The following TMEM267 variants were observed in gnomAD, a reference collection of about 807,000 sequenced individuals.
The protein encoded by TMEM267 is transmembrane protein C5orf28.
In TMEM267, 20 loss-of-function variants were observed where a neutral mutation model predicts 19.3. That is an observed-to-expected ratio of 1.04 (90% CI 0.73 to 1.51). The LOEUF is 1.51. Among genes scored for constraint, TMEM267 ranks in the 40% most tolerant of loss-of-function variants. The pLI is 0.00. For synonymous variants in TMEM267, 88 were observed against 90.3 expected (o/e 0.97, Z 0.15); for missense variants, 242 against 261.9 (o/e 0.92, Z 0.52).
chr5:43,451,274 A>G (rs759323277), intron 2 of TMEM267, among the ~76,000 whole-genome samples: 13 of 152,214 alleles, frequency 8.5e-5, no homozygotes, highest in Non-Finnish European at 1.9e-4. Flanking sequence ...TAATTAAACT[A>G]AAGAGCTTCT....
rs1742182023 is a variant in TMEM267 at position 43,445,290 on chromosome 5, T to G, written c.*932A>C. 6.6e-6 allele frequency: 1 copy of G among 152,138 alleles called. No homozygotes were observed. Among genetic ancestry groups the G allele is most frequent in the Non-Finnish European group, 1.5e-5 (1 of 68,008 alleles). The allele number at this position is 152,138 out of a possible 1,614,324, so 9.4% of individuals were successfully genotyped here. A position where few individuals can be genotyped will look rare whatever the true frequency, so the allele number is the denominator to read the frequency against. ...TTTCAGTATCAGGCAGAGTAAAATA[T>G]TTTAGAATAGTATATAAAATAGTAT... On this transcript the variant is annotated 3_prime_UTR_variant, in exon 3 of 3. Transcript: ENST00000397080.
chr5:43,472,227 A>G (rs1232636357), intron 1 of TMEM267, among the ~76,000 whole-genome samples: 1 of 152,230 alleles, frequency 6.6e-6, no homozygotes, highest in African/African-American at 2.4e-5. Flanking sequence ...AATGCAAATC[A>G]AAACTATAAT....
chr5:43,455,674 A>G (rs950786123), intron 1 of TMEM267, among the ~76,000 whole-genome samples: 1 of 151,996 alleles, frequency 6.6e-6, no homozygotes, highest in Non-Finnish European at 1.5e-5. Context: ...CAGCCTCTCA[A>G]GTAGCTGGGA....
intron 1 of TMEM267, among the ~76,000 whole-genome samples, chr5:43,474,359 C>T (rs1025207941): frequency 6.6e-6 from 1 of 152,094 alleles, no homozygotes; most frequent in Admixed American, 6.5e-5. Flanking sequence ...GCAATCTATC[C>T]AACTGAAAAA....
intron 2 of TMEM267, among the ~76,000 whole-genome samples, chr5:43,453,281 G>C (rs1742722208): frequency 6.6e-6 from 1 of 152,202 alleles, no homozygotes; most frequent in Admixed American, 6.5e-5. Context: ...TGTTAAGTGT[G>C]CTCCTGAAGA....
chr5:43,478,377 C>T (rs1415223578), intron 1 of TMEM267, among the ~76,000 whole-genome samples: 1 of 152,134 alleles, frequency 6.6e-6, no homozygotes, highest in Non-Finnish European at 1.5e-5. Flanking sequence ...GGTTAGATAG[C>T]TTTTGTGATC....
intron 1 of TMEM267, among the ~76,000 whole-genome samples, chr5:43,460,019 C>CT (rs1487569425): frequency 6.6e-6 from 1 of 152,212 alleles, no homozygotes; most frequent in Non-Finnish European, 1.5e-5. Context: ...AGAGTTCCAT[C>CT]TTAGGATGGT....
intron 1 of TMEM267, among the ~76,000 whole-genome samples, chr5:43,469,149 T>C (rs947836101): frequency 2.0e-5 from 3 of 151,856 alleles, no homozygotes; most frequent in South Asian, 2.1e-4. Flanking sequence ...TAACAGTGCA[T>C]CTTAACTAGA....
intron 1 of TMEM267, among the ~76,000 whole-genome samples, chr5:43,456,946 T>C (rs1742988933): frequency 1.3e-5 from 2 of 152,360 alleles, no homozygotes; most frequent in South Asian, 2.1e-4. Flanking sequence ...TGAATGTTCA[T>C]AGCAGCTTTA....
chr5:43,479,997 T>C, intron 1 of TMEM267: 2 of 350,818 alleles, frequency 5.7e-6, no homozygotes, highest in Non-Finnish European at 1.1e-5. Context: ...CCTGAATGGA[T>C]AAAGAAGTCA....
chr5:43,468,879 G>C (rs1162679330), intron 1 of TMEM267, among the ~76,000 whole-genome samples: 3 of 152,094 alleles, frequency 2.0e-5, no homozygotes, highest in Non-Finnish European at 4.4e-5. Context: ...CATCTTCCCT[G>C]ACCACAGTGG....
chr5:43,467,430 G>C (rs1402612152), intron 1 of TMEM267, among the ~76,000 whole-genome samples: 1 of 152,030 alleles, frequency 6.6e-6, no homozygotes, highest in African/African-American at 2.4e-5. Flanking sequence ...AAAAGAGCAG[G>C]AATAGCTATA....
chr5:43,481,684 C>T (rs1380937644), intron 1 of TMEM267, among the ~76,000 whole-genome samples: 1 of 152,114 alleles, frequency 6.6e-6, no homozygotes, highest in Non-Finnish European at 1.5e-5. Context: ...AAAAAGCTCA[C>T]AGTGAACTTG....
At chr5:43,448,736 G>A (rs1007748287) in intron 2 of TMEM267, among the ~76,000 whole-genome samples, 3 of 151,268 alleles carry the variant, frequency 2.0e-5, no homozygotes, top group East Asian at 2.0e-4. Flanking sequence ...AGATCATACC[G>A]TTGCACTCCA....
In TMEM267 at chr5:43,481,975, T is replaced by C. The variant is rs1744805595; in HGVS notation, c.-75+1847A>G. Among the ~76,000 whole-genome samples, 5 of 152,174 alleles carry C rather than the reference T, an allele frequency of 3.3e-5. No homozygotes were observed. In the South Asian group the frequency reaches 1.0e-3, roughly 31 times the overall value. On this transcript the variant is annotated intron_variant, in intron 1 of 2. Coordinates refer to ENST00000397080, the MANE Select transcript of TMEM267 (RefSeq NM_022483.5). ...CTCCTGCCTCAGCCTCCCGAATAGC[T>C]GGGACTACAGGCGCCCGCCACCACG...
intron 2 of TMEM267, among the ~76,000 whole-genome samples, chr5:43,449,894 T>G (rs1742477220): frequency 6.6e-6 from 1 of 152,228 alleles, no homozygotes; most frequent in African/African-American, 2.4e-5. Context: ...TTTACACTCT[T>G]ATTTGTGAAT....
At chr5:43,451,845 C>A (rs939990702) in intron 2 of TMEM267, among the ~76,000 whole-genome samples, 1 of 151,852 alleles carries the variant, frequency 6.6e-6, no homozygotes, top group Non-Finnish European at 1.5e-5. Context: ...GAGGTTGAGG[C>A]GGGAGGATCA....
rs1407474187 is a variant in TMEM267 at position 43,454,003 on chromosome 5, T to A, written c.-34A>T. The A allele has an allele frequency of 9.4e-6, 15 of 1,598,510 alleles. No homozygotes were observed. Among genetic ancestry groups the A allele is most frequent in the Non-Finnish European group, 1.3e-5 (15 of 1,171,690 alleles). ...ATATGTTAGTATAGACTAAAAGCCA[T>A]CAGGAATGAACAGTCTATTCTTGTT... On this transcript the variant is annotated 5_prime_UTR_variant, in exon 2 of 3. It removes an upstream start codon present in the reference 5' UTR. Coordinates refer to ENST00000397080, the MANE Select transcript of TMEM267 (RefSeq NM_022483.5).
chr5:43,468,696 G>A (rs1743896922), intron 1 of TMEM267, among the ~76,000 whole-genome samples: 1 of 152,130 alleles, frequency 6.6e-6, no homozygotes, highest in Non-Finnish European at 1.5e-5. Flanking sequence ...AATTTTCGGG[G>A]TTCACAAGAC....
Sources: gnomAD v4.1 joint callset for allele counts (sites outside exome capture counted in the v4.1 genomes callset) on GRCh38, gnomAD v4.1.1 for gene constraint, MANE v1.5 for transcripts, NCBI Gene and HGNC (gene_info 2026-07-23, HGNC 2026-07-21) for gene names.